Variants in SFI1 observed in about 807,000 individuals in gnomAD.
SFI1 encodes SFI1 centrin binding protein, also known as protein SFI1 homolog.
Under a neutral mutation model 207.5 loss-of-function variants are expected in SFI1, and 195 were observed. The ratio of observed to expected loss-of-function variants is 0.94; its 90% CI spans 0.84 to 1.06. The LOEUF (loss-of-function observed/expected upper bound fraction) is 1.06. SFI1 is among the 50% of genes least tolerant of loss of function. SFI1 has a pLI of 0.00. For synonymous variants in SFI1, 630 were observed against 598.9 expected, an observed-to-expected ratio of 1.05 and a Z score of -0.76; for missense variants, 1,634 against 1,588.0, an observed-to-expected ratio of 1.03 and a Z score of -0.49.
chr22:31,607,470 G>GTA (rs1415603826), intron 21 of SFI1, among the ~76,000 whole-genome samples: 2 of 151,898 alleles, frequency 1.3e-5, no homozygotes, highest in East Asian at 1.9e-4. Context: ...GGGTGTGGTG[G>GTA]TGCATGCCTG....
intron 2 of SFI1, among the ~76,000 whole-genome samples, chr22:31,525,492 C>T (rs1483230374): frequency 6.6e-6 from 1 of 152,106 alleles, no homozygotes; most frequent in Non-Finnish European, 1.5e-5. Flanking sequence ...CTTTGGGACA[C>T]CAGGACAGGC....
chr22:31,514,164 TGTA>T (rs891476518), intron 2 of SFI1, among the ~76,000 whole-genome samples: 2 of 91,724 alleles, frequency 2.2e-5, no homozygotes, highest in African/African-American at 6.6e-5. Context: ...AAAAAAAAAA[TGTA>T]GTACTGAATT....
intron 2 of SFI1, among the ~76,000 whole-genome samples, chr22:31,510,682 C>G (rs1451006825): frequency 6.6e-6 from 1 of 152,178 alleles, no homozygotes; most frequent in African/African-American, 2.4e-5. Context: ...CACCCACCTA[C>G]CTCGGCCTCC....
At chr22:31,599,103 T>C (rs2067689355) in intron 15 of SFI1, among the ~76,000 whole-genome samples, 1 of 150,874 alleles carries the variant, frequency 6.6e-6, no homozygotes, top group African/African-American at 2.4e-5. Context: ...AATTTATCCT[T>C]TTTTTTTATG....
chr22:31,572,120 C>T (rs1369427582), intron 8 of SFI1, among the ~76,000 whole-genome samples: 1 of 152,028 alleles, frequency 6.6e-6, no homozygotes, highest in Non-Finnish European at 1.5e-5. Context: ...AAGACAGAGC[C>T]CGTGGGCAGG....
At position 31,504,335 on chromosome 22, in the gene SFI1, A is replaced by G. The variant is rs931132763; in HGVS notation, c.-30-3920A>G. 2.0e-5 allele frequency among the ~76,000 whole-genome samples: 3 copies of G among 152,312 alleles called. No individual in the cohort carries two copies. In the East Asian group the frequency reaches 5.8e-4, roughly 29 times the overall value. On this transcript the variant is annotated intron_variant, in intron 1 of 32. Transcript: ENST00000400288. ...CTGTTACTTGGAGTGTAGTATCAGA[A>G]AAACTAGGACATCGGTTTGATGTAA...
At chr22:31,598,789 CTTT>C (rs1203871840) in intron 15 of SFI1, among the ~76,000 whole-genome samples, 5 of 64,412 alleles carry the variant, frequency 7.8e-5, no homozygotes, top group Admixed American at 1.9e-4. Context: ...TCCAGTTTAT[CTTT>C]TTTTTTTTTT....
chr22:31,541,224 CAAG>C (rs1244940985), intron 4 of SFI1, among the ~76,000 whole-genome samples: 1 of 151,974 alleles, frequency 6.6e-6, no homozygotes, highest in Non-Finnish European at 1.5e-5. Flanking sequence ...TCTCCCCCTA[CAAG>C]AAGACACTTA....
chr22:31,562,901 G>A (rs2061865361), intron 8 of SFI1, among the ~76,000 whole-genome samples: 1 of 151,664 alleles, frequency 6.6e-6, no homozygotes. Flanking sequence ...CAAAGTACTG[G>A]TATTACAGGC....
At chr22:31,617,342 G>T (rs564559542) in intron 31 of SFI1, among the ~76,000 whole-genome samples, 1 of 152,010 alleles carries the variant, frequency 6.6e-6, no homozygotes, top group Non-Finnish European at 1.5e-5. Context: ...GCTTCCTATG[G>T]GGGGGACGAT....
At chr22:31,584,639 G>A (rs1158752066) in intron 13 of SFI1, among the ~76,000 whole-genome samples, 2 of 152,192 alleles carry the variant, frequency 1.3e-5, no homozygotes, top group East Asian at 1.9e-4. Flanking sequence ...TAATGAGTTA[G>A]TGAGAATCCC....
chr22:31,610,690 C>G (rs1007660906), intron 22 of SFI1, among the ~76,000 whole-genome samples: 1 of 152,240 alleles, frequency 6.6e-6, no homozygotes, highest in Non-Finnish European at 1.5e-5. Flanking sequence ...GTGGCTTGGG[C>G]TGCTCTGACT....
At chr22:31,510,307 G>T (rs1425854057) in intron 2 of SFI1, among the ~76,000 whole-genome samples, 2 of 151,920 alleles carry the variant, frequency 1.3e-5, no homozygotes, top group South Asian at 4.1e-4. Context: ...CAATCTTGCT[G>T]CCTCAGCCTC....
chr22:31,520,174 TAAAAAAAAA>T (rs749141427), intron 2 of SFI1, among the ~76,000 whole-genome samples: 1 of 134,584 alleles, frequency 7.4e-6, no homozygotes, highest in Non-Finnish European at 1.6e-5. Context: ...ACCACCTGTT[TAAAAAAAAA>T]AAAAAAAAGA....
rs562655760 is a variant in SFI1, at chr22:31,538,078, TCTC to T, written c.338+6952_338+6954del. On this transcript the variant is annotated intron_variant, in intron 4 of 32. Transcript: ENST00000400288. ...CTTTCGCTTCCCGGGTTCAAGCAATTCTCCTGCCTCAGCCTGCCAAGTAGCTGG... is the reference window on the plus strand; with the variant it reads ...CTTTCGCTTCCCGGGTTCAAGCAATTCTGCCTCAGCCTGCCAAGTAGCTGG... 3.2e-4 allele frequency among the ~76,000 whole-genome samples: 49 copies of T among 152,164 alleles called. 1 individual carries two copies. The Middle Eastern group carries it at 0.024, about 74-fold the overall frequency.
chr22:31,506,948 A>G (rs1214399165), intron 1 of SFI1, among the ~76,000 whole-genome samples: 1 of 152,242 alleles, frequency 6.6e-6, no homozygotes, highest in Non-Finnish European at 1.5e-5. Flanking sequence ...AGCAATTTAC[A>G]GATTCAATGC....
chr22:31,499,951 C>G (rs1440595803), intron 1 of SFI1, among the ~76,000 whole-genome samples: 1 of 144,414 alleles, frequency 6.9e-6, no homozygotes, highest in Non-Finnish European at 1.5e-5. Context: ...AACCACTGTG[C>G]TCCAGCCTGG....
chr22:31,530,469 G>A (rs539900462), intron 3 of SFI1: 5 of 259,010 alleles, frequency 1.9e-5, no homozygotes, highest in African/African-American at 6.2e-5. Flanking sequence ...TAACCTGGGC[G>A]ACAGAGCAAA....
intron 6 of SFI1, among the ~76,000 whole-genome samples, chr22:31,556,190 TTAAATA>T (rs1288383784): frequency 6.6e-6 from 1 of 152,012 alleles, no homozygotes; most frequent in African/African-American, 2.4e-5. Context: ...ATGGAAAACT[TTAAATA>T]TCTATACAAT....
Sources: gnomAD v4.1 joint callset for allele counts (sites outside exome capture counted in the v4.1 genomes callset) on GRCh38, gnomAD v4.1.1 for gene constraint, MANE v1.5 for transcripts, NCBI Gene and HGNC (gene_info 2026-07-23, HGNC 2026-07-21) for gene names.